The following GRM5 variants were observed in gnomAD, a reference collection of about 807,000 sequenced individuals.
GRM5 encodes glutamate metabotropic receptor 5, also known as metabotropic glutamate receptor 5.
GRM5 carries 19 observed loss-of-function variants against 83.1 expected under a neutral mutation model. The ratio of observed to expected loss-of-function variants is 0.23; its 90% confidence interval spans 0.16 to 0.34. GRM5 has a LOEUF of 0.34. Ranked by LOEUF, GRM5 falls within the 10% of genes least tolerant of loss-of-function variation. The pLI is 1.00. For missense variants in GRM5, 1,160 were observed against 1,588.3 expected (o/e 0.73, Z 4.58); for synonymous variants, 675 against 633.6 (o/e 1.07, Z -0.98).
At chr11:88,712,743 A>C (rs1403075997) in intron 3 of GRM5, among the ~76,000 whole-genome samples, 1 of 152,060 alleles carries the variant, frequency 6.6e-6, no homozygotes, top group Admixed American at 6.6e-5. Flanking sequence ...AACATTGAAT[A>C]GTTGTCAGTT....
At chr11:88,868,559 C>G (rs1049932270) in intron 2 of GRM5, among the ~76,000 whole-genome samples, 3 of 151,780 alleles carry the variant, frequency 2.0e-5, no homozygotes, top group African/African-American at 7.2e-5. Flanking sequence ...TTTGTCACAA[C>G]TATGACACAT....
At chr11:88,522,586 TCG>T (rs1248948275) in intron 9 of GRM5, among the ~76,000 whole-genome samples, 184 of 134,616 alleles carry the variant, frequency 1.4e-3, no homozygotes, top group Admixed American at 2.6e-3. Context: ...TCTCTCTCTC[TCG>T]CTCTCTCTCT....
rs1184841090 is a variant in GRM5, at chr11:88,678,061, A to AG, written c.912-24659_912-24658insC. Among the ~76,000 whole-genome samples the AG allele has an allele frequency of 9.7e-3, 172 of 17,758 alleles. 3 individuals carry two copies. The highest frequency in any genetic ancestry group is 0.03 in the African/African-American group (157 of 5,280). The allele number at this position is 17,758 out of a possible 152,430, so 11.6% of individuals were successfully genotyped here. The stretch of plus-strand genomic sequence containing the variant: ...CATTTTTATTCATTTTTAATTTCTG[A>AG]ATTTTTTTTTTTTTAGAGACAGTGT... On this transcript the variant is annotated intron_variant, in intron 3 of 9. Transcript: ENST00000305447.
intron 7 of GRM5, among the ~76,000 whole-genome samples, chr11:88,580,828 A>G (rs963390295): frequency 6.6e-6 from 1 of 152,226 alleles, no homozygotes; most frequent in Non-Finnish European, 1.5e-5. Context: ...CTTACTTTCA[A>G]ATGTAGAAGA....
rs555207265 is a variant in GRM5 at position 88,703,081 on chromosome 11, T to C, written c.912-49678A>G. On this transcript the variant is annotated intron_variant, in intron 3 of 9. Transcript: ENST00000305447. ...TTAATTAGCAAATATTTTCTCAACA[T>C]GGGCAATCCAAAATGAAGAATCCAG... Among the ~76,000 whole-genome samples the C allele has an allele frequency of 1.5e-4, 8 of 53,580 alleles. No homozygotes were observed. In the South Asian group the frequency reaches 9.4e-3, roughly 63 times the overall value. 35.2% of individuals were successfully genotyped at this position (53,580 alleles called of 152,430 possible).
At chr11:88,681,877 G>T (rs930125380) in intron 3 of GRM5, among the ~76,000 whole-genome samples, 2 of 151,522 alleles carry the variant, frequency 1.3e-5, no homozygotes, top group Non-Finnish European at 2.9e-5. Context: ...CCCTCTTTTT[G>T]TTATTCATGT....
chr11:88,511,887 T>C (rs1941381083), intron 9 of GRM5: 2 of 152,206 alleles, frequency 1.3e-5, no homozygotes, highest in Admixed American at 1.3e-4. Context: ...AAGGTACAAG[T>C]ATTATTTCAG....
Position 88,988,552 on chromosome 11 carries a change from T to A in GRM5, c.661+58660A>T, listed in dbSNP as rs570644903. 1.4e-3 allele frequency among the ~76,000 whole-genome samples: 208 copies of A among 151,728 alleles called. 1 individual carries two copies. The highest frequency in any genetic ancestry group is 4.8e-3 in the African/African-American group (197 of 41,324). ...TCGAGAAGAGCAACTCCAAGACACATAACTGTCAGATTCACCAAAGTTGAA... is the reference window on the plus strand; with the variant it reads ...TCGAGAAGAGCAACTCCAAGACACAAAACTGTCAGATTCACCAAAGTTGAA... On this transcript the variant is annotated intron_variant, in intron 2 of 9. Transcript: ENST00000305447.
At chr11:88,982,976 G>A (rs1939576692) in intron 2 of GRM5, among the ~76,000 whole-genome samples, 1 of 152,194 alleles carries the variant, frequency 6.6e-6, no homozygotes, top group South Asian at 2.1e-4. Context: ...TGAAGCTGGA[G>A]AATTGCTTGA....
rs755717431 is a variant in GRM5 at position 88,960,219 on chromosome 11, AT to A, written c.661+86992del. ...AGTAGGGAACTGATTATGTAGGTCTATTTATATTTAGAATGAATGAATTTGG... is the reference window on the plus strand; with the variant it reads ...AGTAGGGAACTGATTATGTAGGTCTATTATATTTAGAATGAATGAATTTGG... On this transcript the variant is annotated intron_variant, in intron 2 of 9. Coordinates refer to ENST00000305447, the MANE Select transcript of GRM5 (RefSeq NM_001143831.3). 2.0e-3 allele frequency among the ~76,000 whole-genome samples: 305 copies of A among 152,320 alleles called. 2 individuals carry two copies. The highest frequency in any genetic ancestry group is 3.4e-3 in the Non-Finnish European group (233 of 68,032).
chr11:88,594,971 T>G (rs2135215481), intron 6 of GRM5, among the ~76,000 whole-genome samples: 1 of 152,318 alleles, frequency 6.6e-6, no homozygotes, highest in African/African-American at 2.4e-5. Context: ...TTATTATATC[T>G]TTGTCTTCTC....
At chr11:88,868,028 T>C (rs1365513870) in intron 2 of GRM5, among the ~76,000 whole-genome samples, 2 of 151,990 alleles carry the variant, frequency 1.3e-5, no homozygotes, top group South Asian at 2.1e-4. Flanking sequence ...TTGCCATATA[T>C]AGACTGAGTT....
At chr11:88,571,146 T>G (rs1443697048) in intron 7 of GRM5, among the ~76,000 whole-genome samples, 1 of 152,196 alleles carries the variant, frequency 6.6e-6, no homozygotes, top group African/African-American at 2.4e-5. Context: ...GTAATTAAGT[T>G]TAATTTCTAA....
chr11:88,778,402 C>T lies in GRM5; in HGVS notation c.911+71504G>A, dbSNP rs541388767. On this transcript the variant is annotated intron_variant, in intron 3 of 9. Coordinates refer to ENST00000305447, the MANE Select transcript of GRM5 (RefSeq NM_001143831.3). Reference sequence around the variant, plus strand: ...GAAAGGGAAATCCCCCAACCCCTTGCGCTTCCCAGGTGAGGTGATGCCCCA... The same window carrying T: ...GAAAGGGAAATCCCCCAACCCCTTGTGCTTCCCAGGTGAGGTGATGCCCCA... 2.9e-4 allele frequency among the ~76,000 whole-genome samples: 44 copies of T among 152,314 alleles called. 1 individual carries two copies. The highest frequency in any genetic ancestry group is 7.7e-4 in the African/African-American group (32 of 41,584).
At chr11:88,537,988 A>T (rs1942174006) in intron 8 of GRM5, among the ~76,000 whole-genome samples, 1 of 152,098 alleles carries the variant, frequency 6.6e-6, no homozygotes. Flanking sequence ...AAAAGTAAAA[A>T]ATCAGCTGTA....
chr11:88,753,938 T>C (rs115200391), intron 3 of GRM5, among the ~76,000 whole-genome samples: 2,111 of 152,134 alleles, frequency 0.014, 45 homozygotes, highest in African/African-American at 0.048. Context: ...TCATGAGACT[T>C]ATGCACTATC....
At chr11:88,709,404 C>T (rs1489696995) in intron 3 of GRM5, among the ~76,000 whole-genome samples, 1 of 151,956 alleles carries the variant, frequency 6.6e-6, no homozygotes, top group African/African-American at 2.4e-5. Context: ...AATAAGAAAT[C>T]CTTTAAGCAA....
intron 3 of GRM5, among the ~76,000 whole-genome samples, chr11:88,755,972 CA>C (rs1263075950): frequency 6.6e-6 from 1 of 152,068 alleles, no homozygotes; most frequent in African/African-American, 2.4e-5. Flanking sequence ...TATGACTCTA[CA>C]AAAACAAACA....
intron 2 of GRM5, among the ~76,000 whole-genome samples, chr11:88,854,058 G>GTATATATATA (rs10525785): frequency 0.016 from 1,978 of 121,102 alleles, 37 homozygotes; most frequent in East Asian, 0.05. Context: ...AAAATGTGGT[G>GTATATATATA]TATATATATA....
Sources: allele counts gnomAD v4.1 joint callset (sites outside exome capture counted in the v4.1 genomes callset), GRCh38; gene constraint gnomAD v4.1.1; transcripts MANE v1.5; gene names NCBI Gene and HGNC (gene_info 2026-07-23, HGNC 2026-07-21).